The following RNF40 variants were observed in gnomAD, a reference collection of about 807,000 sequenced individuals.
RNF40 encodes E3 ubiquitin-protein ligase BRE1B.
A neutral mutation model predicts 123.3 loss-of-function variants in RNF40; 39 were observed. That is an observed-to-expected ratio of 0.32 (90% CI 0.24 to 0.41). RNF40 has a LOEUF of 0.41. Among genes scored for constraint, RNF40 ranks in the 10% least tolerant of loss-of-function variants. The pLI is 1.00. For missense variants in RNF40, 1,003 were observed against 1,319.9 expected (o/e 0.76, Z 3.72); for synonymous variants, 538 against 526.0 (o/e 1.02, Z -0.31).
intron 2 of RNF40, 107 bp from the exon 3 acceptor site, chr16:30,763,011 C>T (rs953412651): frequency 1.2e-5 from 15 of 1,229,426 alleles, no homozygotes; most frequent in Admixed American, 6.5e-5. Context: ...TGTGGGAATA[C>T]CTCCATCTCC....
At position 30,765,448 on chromosome 16, in the gene RNF40, T is replaced by C; in HGVS notation, c.942T>C (p.Ser314=). The change falls in exon 8 of 20, where the codon TCT becomes TCC. Residue 314 remains serine, a synonymous_variant. Coordinates refer to ENST00000324685, the MANE Select transcript of RNF40 (RefSeq NM_014771.4). ...LEQLNSGYYV[S]GSSSGFQGGQ... The stretch of plus-strand genomic sequence containing the variant: ...AGCTTAACTCTGGCTACTATGTATC[T>C]GGGAGCTCCTCAGGCTTCCAGGGGG... 6.2e-7 allele frequency: 1 copy of C among 1,614,210 alleles called. No individual in the cohort carries two copies. Among genetic ancestry groups the C allele is most frequent in the Non-Finnish European group, 8.5e-7 (1 of 1,180,044 alleles).
chr16:30,768,611 C>T lies in RNF40; in HGVS notation c.1980-8C>T. ...TCACTAAGACTTCCTCCTGTACCTT[C>T]TTGCCAGGAAGGCCCAGGAGAGCCA... On this transcript the variant is annotated splice_region_variant and splice_polypyrimidine_tract_variant and intron_variant, in intron 13 of 19. Transcript: ENST00000324685. The surrounding 1 kb of genome is among the most constrained non-coding windows in gnomAD (Gnocchi z 4.1). 1 of 1,614,180 alleles carries T rather than the reference C, an allele frequency of 6.2e-7. No individual in the cohort carries two copies. The highest frequency in any genetic ancestry group is 8.5e-7 in the Non-Finnish European group (1 of 1,180,010).
upstream of RNF40, chr16:30,761,840 G>T: frequency 8.1e-7 from 1 of 1,235,958 alleles, no homozygotes; most frequent in Non-Finnish European, 1.1e-6. Flanking sequence ...CCAAGGCCGG[G>T]CCCGTTCGCC....
In RNF40 at chr16:30,770,332, G is replaced by A. The variant is rs1435746340; in HGVS notation, c.2586+732G>A. ...TCGCCATGTTGACCAGGCTGGTATC[G>A]AACTCCTGACCTTGTGATCCACCCA... On this transcript the variant is annotated intron_variant, in intron 17 of 19. Transcript: ENST00000324685. 2.6e-5 allele frequency among the ~76,000 whole-genome samples: 4 copies of A among 151,530 alleles called. No individual in the cohort carries two copies. In the East Asian group the frequency reaches 5.9e-4, roughly 22 times the overall value.
intron 11 of RNF40, 137 bp downstream of exon 11, chr16:30,767,013 C>A: frequency 8.6e-7 from 1 of 1,166,944 alleles, no homozygotes; most frequent in Non-Finnish European, 1.2e-6. Context: ...CAAAACAGGG[C>A]CTGCACTGCT....
intron 2 of RNF40, 34 bp downstream of exon 2, chr16:30,762,711 C>T: frequency 6.2e-7 from 1 of 1,603,908 alleles, no homozygotes; most frequent in Non-Finnish European, 8.5e-7. Flanking sequence ...CTCAGAACTT[C>T]CCAGAGCCCT....
At position 30,762,503 on chromosome 16, in the gene RNF40, G is replaced by A; in HGVS notation, c.-43G>A. The A allele has an allele frequency of 6.5e-7, 1 of 1,543,862 alleles. No homozygotes were observed. Among genetic ancestry groups the A allele is most frequent in the Non-Finnish European group, 8.6e-7 (1 of 1,157,744 alleles). ...ACGGAAGTACCGCCTCCTCCCGTTT[G>A]ACGCCCCTCAGGGGACCCTGCATCG... On this transcript the variant is annotated 5_prime_UTR_variant, in exon 2 of 20. Coordinates refer to ENST00000324685, the MANE Select transcript of RNF40 (RefSeq NM_014771.4).
intron 1 of RNF40, 26 bp downstream of exon 1, chr16:30,762,386 C>A: frequency 1.4e-6 from 1 of 723,216 alleles, no homozygotes; most frequent in Non-Finnish European, 2.1e-6. Flanking sequence ...CCGGGGGGGA[C>A]GGGATCCAGC....
Position 30,771,833 on chromosome 16 carries a change from G to A in RNF40, c.2587G>A (p.Ala863Thr). ...CTCCTTCCTGTTCCACCCTACTCAGGCTGTAGAAGCCGCCCAGCTGGCCGA... is the reference window on the plus strand; with the variant it reads ...CTCCTTCCTGTTCCACCCTACTCAGACTGTAGAAGCCGCCCAGCTGGCCGA... ...SQALELNKRK[A>T]VEAAQLAEDL... Residue 863 changes from alanine (A) to threonine (T), a missense_variant and splice_region_variant, in exon 18 of 20, where the codon GCT becomes ACT. By Grantham distance (58) the Ala-to-Thr change is moderately conservative. This residue lies in a region of RNF40 where 121 missense variants were observed against 125.3 expected (regional missense o/e 0.97). Coordinates refer to ENST00000324685, the MANE Select transcript of RNF40 (RefSeq NM_014771.4). The A allele has an allele frequency of 6.4e-7, 1 of 1,574,506 alleles. No homozygotes were observed. The highest frequency in any genetic ancestry group is 1.2e-5 in the South Asian group (1 of 84,644).
Position 30,766,952 on chromosome 16 carries a change from C to T in RNF40, c.1429+76C>T, listed in dbSNP as rs779543114. 1.9e-5 allele frequency: 29 copies of T among 1,550,878 alleles called. No individual in the cohort carries two copies. The highest frequency in any genetic ancestry group is 2.4e-5 in the Non-Finnish European group (27 of 1,145,632). ...CCCTGGTGTGGGGCTGCTGCTTATC[C>T]AGATGCAAGAGGCTAAGGCCTTTTT... On this transcript the variant is annotated intron_variant, in intron 11 of 19. Transcript: ENST00000324685. This position sits in a 1 kb window ranked among gnomAD's most constrained non-coding sequence, Gnocchi z 5.4.
rs893487729 is a variant in RNF40 at position 30,768,059 on chromosome 16, T to G, written c.1551+44T>G. ...GGGAAAAGGTTTGGCTAGACTCCAG[T>G]GAACACCATCTGACTTCATCCCTCT... On this transcript the variant is annotated intron_variant, in intron 12 of 19. Transcript: ENST00000324685. This position sits in a 1 kb window ranked among gnomAD's most constrained non-coding sequence, Gnocchi z 4.1. The G allele has an allele frequency of 6.2e-7, 1 of 1,613,970 alleles. No homozygotes were observed. The highest frequency in any genetic ancestry group is 1.3e-5 in the African/African-American group (1 of 74,936).
chr16:30,762,757 C>T, intron 2 of RNF40, 80 bp downstream of exon 2: 1 of 1,546,816 alleles, frequency 6.5e-7, no homozygotes, highest in Non-Finnish European at 8.7e-7. Flanking sequence ...CGGAATCTTA[C>T]ACCCACTTCC....
In RNF40 at chr16:30,765,396, T is replaced by C. The variant is rs764798069; in HGVS notation, c.919-29T>C. On this transcript the variant is annotated intron_variant, in intron 7 of 19. Coordinates refer to ENST00000324685, the MANE Select transcript of RNF40 (RefSeq NM_014771.4). ...TGGGCCTTAGCTCCTCCCCTCTACA[T>C]CCATTGCCTGTCTGTTTTCTCTCCA... 6 of 1,613,968 alleles carry C rather than the reference T, an allele frequency of 3.7e-6. No individual in the cohort carries two copies. In the South Asian group the frequency reaches 6.6e-5, roughly 18 times the overall value.
chr16:30,769,694 G>A (rs2054112626), intron 17 of RNF40, 94 bp downstream of exon 17: 14 of 1,351,580 alleles, frequency 1.0e-5, no homozygotes, highest in Non-Finnish European at 1.2e-5. Flanking sequence ...ATAGCCTGAG[G>A]TGAAGCCAGG....
At chr16:30,767,869 C>A (rs762809652) in intron 11 of RNF40, 25 bp from the exon 12 acceptor site, 6 of 1,614,038 alleles carry the variant, frequency 3.7e-6, no homozygotes, top group South Asian at 1.1e-5. Context: ...GGTTCTGACA[C>A]CTTTACTTGC....
At chr16:30,773,777 A>T in intron 19 of RNF40, 161 bp from the exon 20 acceptor site, 1 of 641,074 alleles carries the variant, frequency 1.6e-6, no homozygotes, top group South Asian at 2.3e-5. Context: ...TCTGCACCTC[A>T]GTTTGCTCAT....
rs1458529760 is a variant in RNF40, at chr16:30,768,589, C to A, written c.1980-30C>A. 1 of 1,614,006 alleles carries A rather than the reference C, an allele frequency of 6.2e-7. No individual in the cohort carries two copies. Among genetic ancestry groups the A allele is most frequent in the African/African-American group, 1.3e-5 (1 of 74,950 alleles). On this transcript the variant is annotated intron_variant, in intron 13 of 19. Coordinates refer to ENST00000324685, the MANE Select transcript of RNF40 (RefSeq NM_014771.4). This position sits in a 1 kb window ranked among gnomAD's most constrained non-coding sequence, Gnocchi z 4.1. Reference sequence around the variant, plus strand: ...GCCAGGTGGCCTCCAGTCCCACTCACTAAGACTTCCTCCTGTACCTTCTTG... The same window carrying A: ...GCCAGGTGGCCTCCAGTCCCACTCAATAAGACTTCCTCCTGTACCTTCTTG...
Position 30,764,189 on chromosome 16 carries a change from G to T in RNF40, c.453G>T (p.Leu151=). The T allele has an allele frequency of 4.4e-6, 7 of 1,608,840 alleles. No individual in the cohort carries two copies. Among genetic ancestry groups the T allele is most frequent in the Non-Finnish European group, 5.9e-6 (7 of 1,177,420 alleles). The change falls in exon 5 of 20, where the codon CTG becomes CTT. Residue 151 remains leucine (L), a synonymous_variant. Transcript: ENST00000324685. ...PGTSELRDPL[L]MQLRPPLSEP... ...GTCCATTCCTTCCAGACCCCTTGCT[G>T]ATGCAGCTGCGGCCCCCTCTCAGTG...
In RNF40 at chr16:30,766,798, A is replaced by G; in HGVS notation, c.1351A>G (p.Thr451Ala). The G allele has an allele frequency of 1.2e-6, 2 of 1,614,064 alleles. No homozygotes were observed. The highest frequency in any genetic ancestry group is 1.1e-5 in the South Asian group (1 of 91,072). ...LRTEVIQLED[T>A]LAQVRKEYEM... ...CACAGAGGTCATTCAGCTGGAGGAC[A>G]CGCTGGCCCAGGTACGCAAGGAGTA... Residue 451 changes from threonine to alanine, a missense_variant, in exon 11 of 20, where the codon ACG becomes GCG. Thr to Ala is a moderately conservative substitution (Grantham distance 58). Around this residue, in one of 11 missense-constraint regions of RNF40, gnomAD observed 274 missense variants for 356.9 expected, o/e 0.77. Coordinates refer to ENST00000324685, the MANE Select transcript of RNF40 (RefSeq NM_014771.4). The surrounding 1 kb of genome is among the most constrained non-coding windows in gnomAD (Gnocchi z 5.4).
Sources: allele counts gnomAD v4.1 joint callset (sites outside exome capture counted in the v4.1 genomes callset), GRCh38; gene constraint gnomAD v4.1.1; regional missense constraint gnomAD v4.1.1; non-coding constraint Gnocchi (gnomAD v3.1); transcripts MANE v1.5; gene names NCBI Gene and HGNC (gene_info 2026-07-23, HGNC 2026-07-21).